Variants in TPST1 observed in about 807,000 individuals in gnomAD.
The protein encoded by TPST1 is protein-tyrosine sulfotransferase 1.
TPST1 carries 20 observed loss-of-function variants against 34.8 expected under a neutral mutation model. That is an observed-to-expected ratio of 0.57 (90% confidence interval 0.40 to 0.84). The LOEUF is 0.84. Ranked by LOEUF, TPST1 falls within the 40% of genes least tolerant of loss-of-function variation. The pLI, the probability that TPST1 is intolerant of heterozygous loss-of-function variation, is 0.00. For missense variants in TPST1, 353 were observed against 455.5 expected (o/e 0.78, Z 2.05); for synonymous variants, 152 against 159.4 (o/e 0.95, Z 0.35).
intron 1 of TPST1, among the ~76,000 whole-genome samples, chr7:66,232,474 G>T (rs1272805407): frequency 6.6e-6 from 1 of 151,956 alleles, no homozygotes; most frequent in African/African-American, 2.4e-5. Flanking sequence ...CCGGGTTCAC[G>T]CCATTCTCCT....
At chr7:66,320,413 A>C (rs1203458001) in intron 3 of TPST1, among the ~76,000 whole-genome samples, 1 of 150,734 alleles carries the variant, frequency 6.6e-6, no homozygotes, top group Non-Finnish European at 1.5e-5. Flanking sequence ...ATGCCTGGCT[A>C]ATTTTTTGTA....
At chr7:66,284,437 G>A (rs1041842208) in intron 2 of TPST1, among the ~76,000 whole-genome samples, 3 of 145,500 alleles carry the variant, frequency 2.1e-5, no homozygotes, top group Non-Finnish European at 4.6e-5. Context: ...TCTTCATACT[G>A]TCTATATTAT....
intron 2 of TPST1, among the ~76,000 whole-genome samples, chr7:66,243,599 A>G (rs1209726710): frequency 7.1e-6 from 1 of 141,484 alleles, no homozygotes; most frequent in South Asian, 2.2e-4. Context: ...ACGCATCACC[A>G]TGCCCAGCTA....
At chr7:66,312,814 A>G (rs1791557014) in intron 3 of TPST1, among the ~76,000 whole-genome samples, 2 of 152,132 alleles carry the variant, frequency 1.3e-5, no homozygotes, top group Admixed American at 6.5e-5. Context: ...AGATTGATAG[A>G]TGAGAGAAAA....
chr7:66,336,843 C>G (rs560263933), intron 3 of TPST1, among the ~76,000 whole-genome samples: 1 of 152,216 alleles, frequency 6.6e-6, no homozygotes, highest in African/African-American at 2.4e-5. Context: ...AAAGATTACT[C>G]AAGGCAGCAA....
At chr7:66,286,097 C>G (rs1397782663) in intron 2 of TPST1, among the ~76,000 whole-genome samples, 1 of 152,226 alleles carries the variant, frequency 6.6e-6, no homozygotes, top group Non-Finnish European at 1.5e-5. Context: ...TACTTTATCA[C>G]TGTCCATCTC....
At chr7:66,333,714 A>G (rs536954541) in intron 3 of TPST1, among the ~76,000 whole-genome samples, 2 of 152,270 alleles carry the variant, frequency 1.3e-5, no homozygotes, top group Admixed American at 6.5e-5. Flanking sequence ...TTGCATTCCC[A>G]TAAGTGATGG....
intron 2 of TPST1, among the ~76,000 whole-genome samples, chr7:66,243,524 A>C (rs1790080161): frequency 6.6e-6 from 1 of 151,122 alleles, no homozygotes; most frequent in Admixed American, 6.6e-5. Flanking sequence ...GCTCACTGCA[A>C]CCTCCATCTC....
chr7:66,202,863 C>T (rs1173954910), upstream of TPST1, among the ~76,000 whole-genome samples: 2 of 152,122 alleles, frequency 1.3e-5, no homozygotes, highest in African/African-American at 4.8e-5. Flanking sequence ...CATCTGAGGT[C>T]AGGAGTTTGA....
At chr7:66,215,945 G>A (rs1283053266) in intron 1 of TPST1, among the ~76,000 whole-genome samples, 1 of 151,248 alleles carries the variant, frequency 6.6e-6, no homozygotes, top group Admixed American at 6.6e-5. Flanking sequence ...GCTAATTTTT[G>A]TATTTTTAGT....
intron 2 of TPST1, among the ~76,000 whole-genome samples, chr7:66,257,072 G>A (rs759222484): frequency 2.6e-5 from 4 of 152,034 alleles, no homozygotes; most frequent in Non-Finnish European, 5.9e-5. Flanking sequence ...CCAGCCTCCT[G>A]AGTAGCTGGG....
Position 66,356,854 on chromosome 7 carries a change from G to A in TPST1, c.*12G>A, listed in dbSNP as rs778926542. 32 of 1,614,040 alleles carry A rather than the reference G, an allele frequency of 2.0e-5. 1 individual carries two copies. The South Asian group carries it at 3.3e-4, about 17-fold the overall frequency. On this transcript the variant is annotated 3_prime_UTR_variant, in exon 5 of 6. Coordinates refer to ENST00000304842, the MANE Select transcript of TPST1 (RefSeq NM_003596.4). ...AGCAAGTGGAGTAGCAGAACCAGGAGCCTCTTCCATACATGAGGTGAGGGT... is the reference window on the plus strand; with the variant it reads ...AGCAAGTGGAGTAGCAGAACCAGGAACCTCTTCCATACATGAGGTGAGGGT...
intron 2 of TPST1, among the ~76,000 whole-genome samples, chr7:66,272,854 T>A (rs529170116): frequency 1.1e-3 from 160 of 152,292 alleles, no homozygotes; most frequent in African/African-American, 3.5e-3. Context: ...CCTAAAGTGC[T>A]GGGATTACGG....
intron 1 of TPST1, among the ~76,000 whole-genome samples, chr7:66,224,593 T>A (rs1257552165): frequency 6.6e-6 from 1 of 152,216 alleles, no homozygotes; most frequent in Non-Finnish European, 1.5e-5. Flanking sequence ...TGTGTGTACC[T>A]GGGCCTGTGT....
chr7:66,319,164 G>A (rs377172103), intron 3 of TPST1, among the ~76,000 whole-genome samples: 3 of 151,088 alleles, frequency 2.0e-5, no homozygotes, highest in South Asian at 2.1e-4. Context: ...CTTCTTCTCC[G>A]TTCTCTCCAT....
intron 4 of TPST1, 74 bp from the exon 5 acceptor site, chr7:66,356,751 T>C: frequency 3.8e-6 from 6 of 1,575,072 alleles, no homozygotes; most frequent in Non-Finnish European, 5.2e-6. Context: ...ACCCCTCATG[T>C]TTCAGTGGGG....
chr7:66,239,304 CTT>C (rs1789977785), intron 1 of TPST1, among the ~76,000 whole-genome samples: 1 of 152,198 alleles, frequency 6.6e-6, no homozygotes, highest in Non-Finnish European at 1.5e-5. Flanking sequence ...TTCTGTAAAA[CTT>C]TTACAGCTTC....
intron 2 of TPST1, among the ~76,000 whole-genome samples, chr7:66,241,537 A>G (rs2116412041): frequency 6.6e-6 from 1 of 152,316 alleles, no homozygotes; most frequent in Non-Finnish European, 1.5e-5. Flanking sequence ...TGATGGATAC[A>G]AACCCACCTT....
chr7:66,203,021 A>G (rs576364858), upstream of TPST1, among the ~76,000 whole-genome samples: 14 of 152,254 alleles, frequency 9.2e-5, no homozygotes, highest in African/African-American at 3.4e-4. Context: ...GGTTGTAGTG[A>G]GCCAAGGTCA....
Sources: gnomAD v4.1 joint callset for allele counts (sites outside exome capture counted in the v4.1 genomes callset) on GRCh38, gnomAD v4.1.1 for gene constraint, MANE v1.5 for transcripts, NCBI Gene and HGNC (gene_info 2026-07-23, HGNC 2026-07-21) for gene names.